The following PLPP3 variants were observed in gnomAD, a reference collection of about 807,000 sequenced individuals.
The protein encoded by PLPP3 is phospholipid phosphatase 3.
A neutral mutation model predicts 29.6 loss-of-function variants in PLPP3; 6 were observed. The ratio of observed to expected loss-of-function variants is 0.20; its 90% CI spans 0.11 to 0.40. The LOEUF (loss-of-function observed/expected upper bound fraction) is 0.40, where lower values mean the gene tolerates loss of function less well. Ranked by LOEUF, PLPP3 falls within the 10% of genes least tolerant of loss-of-function variation. PLPP3 has a pLI of 1.00. For synonymous variants in PLPP3, 152 were observed against 159.7 expected (o/e 0.95, Z 0.36); for missense variants, 308 against 407.7 (o/e 0.76, Z 2.11).
At chr1:56,536,862 T>G in intron 2 of PLPP3, 93 bp downstream of exon 2, 1 of 1,493,882 alleles carries the variant, frequency 6.7e-7, no homozygotes, top group Non-Finnish European at 9.1e-7. Flanking sequence ...GGCTTCTACT[T>G]GGTATAAGTC....
chr1:56,558,272 C>A (rs910986044), intron 1 of PLPP3, among the ~76,000 whole-genome samples: 2 of 152,328 alleles, frequency 1.3e-5, no homozygotes, highest in African/African-American at 2.4e-5. Flanking sequence ...TCTGCTCAAT[C>A]TCTCAGGTAG....
intron 1 of PLPP3, among the ~76,000 whole-genome samples, chr1:56,546,907 A>G (rs1646009801): frequency 6.6e-6 from 1 of 152,248 alleles, no homozygotes. Context: ...TATTTTTAAA[A>G]GCAATAGCTA....
intron 1 of PLPP3, among the ~76,000 whole-genome samples, chr1:56,555,047 G>GTAT (rs756945870): frequency 6.6e-6 from 1 of 152,160 alleles, no homozygotes; most frequent in Non-Finnish European, 1.5e-5. Flanking sequence ...ATGTTATTTT[G>GTAT]TATTCATGTG....
chr1:56,502,543 A>G (rs973076211), intron 5 of PLPP3, among the ~76,000 whole-genome samples: 1 of 152,198 alleles, frequency 6.6e-6, no homozygotes, highest in Non-Finnish European at 1.5e-5. Flanking sequence ...CAGTTAAAAG[A>G]GCCATTAGTG....
intron 2 of PLPP3, among the ~76,000 whole-genome samples, chr1:56,529,959 TGAAGAAGA>T (rs1645876790): frequency 6.6e-6 from 1 of 152,104 alleles, no homozygotes; most frequent in African/African-American, 2.4e-5. Context: ...ACAAGTCTCA[TGAAGAAGA>T]GAGTCTGAGG....
intron 1 of PLPP3, among the ~76,000 whole-genome samples, chr1:56,551,230 T>A (rs2100283043): frequency 6.9e-6 from 1 of 144,272 alleles, no homozygotes; most frequent in East Asian, 2.0e-4. Flanking sequence ...TCACAGCCCA[T>A]GTTAATCAAG....
intron 5 of PLPP3, among the ~76,000 whole-genome samples, chr1:56,500,313 G>A (rs1168841835): frequency 1.3e-5 from 2 of 152,178 alleles, no homozygotes; most frequent in African/African-American, 4.8e-5. Flanking sequence ...TTATGATGGA[G>A]GGAAGCAAGG....
At chr1:56,548,471 A>G (rs970131406) in intron 1 of PLPP3, among the ~76,000 whole-genome samples, 1 of 152,328 alleles carries the variant, frequency 6.6e-6, no homozygotes. Context: ...ATGGCATTAC[A>G]AAATACCCAA....
chr1:56,508,077 G>GCATT (rs1461500057), intron 5 of PLPP3, among the ~76,000 whole-genome samples: 3 of 152,158 alleles, frequency 2.0e-5, no homozygotes, highest in Admixed American at 2.0e-4. Context: ...AAAGAAACTT[G>GCATT]CATTCTTTTA....
intron 1 of PLPP3, among the ~76,000 whole-genome samples, chr1:56,555,357 C>T (rs770226432): frequency 7.0e-6 from 1 of 143,560 alleles, no homozygotes; most frequent in Non-Finnish European, 1.5e-5. Context: ...CTGGTTCTGG[C>T]CTTCCCTAGT....
At chr1:56,572,886 T>A (rs1002448202) in intron 1 of PLPP3, among the ~76,000 whole-genome samples, 7 of 152,190 alleles carry the variant, frequency 4.6e-5, no homozygotes, top group African/African-American at 1.7e-4. Flanking sequence ...ATTACCAGGT[T>A]TGCTTATTTT....
chr1:56,577,047 T>C (rs1392383017), intron 1 of PLPP3, among the ~76,000 whole-genome samples: 1 of 152,164 alleles, frequency 6.6e-6, no homozygotes, highest in Non-Finnish European at 1.5e-5. Context: ...GCTTTCTTAA[T>C]CACAAAGTAG....
chr1:56,557,077 AAAAT>A (rs1646088949), intron 1 of PLPP3, among the ~76,000 whole-genome samples: 40 of 132,044 alleles, frequency 3.0e-4, no homozygotes, highest in Middle Eastern at 3.8e-3. Context: ...AAAGAAAGAA[AAAAT>A]GAGAGAGAGA....
At chr1:56,573,112 T>A (rs2100311553) in intron 1 of PLPP3, among the ~76,000 whole-genome samples, 1 of 152,340 alleles carries the variant, frequency 6.6e-6, no homozygotes, top group African/African-American at 2.4e-5. Flanking sequence ...CTTGCACTCA[T>A]GCACAAACTT....
At chr1:56,572,468 A>T (rs1040214090) in intron 1 of PLPP3, among the ~76,000 whole-genome samples, 2 of 152,176 alleles carry the variant, frequency 1.3e-5, no homozygotes, top group African/African-American at 2.4e-5. Context: ...CCTAAGGCAT[A>T]TCTGTCTTTC....
intron 1 of PLPP3, among the ~76,000 whole-genome samples, chr1:56,541,610 G>T (rs577132028): frequency 7.2e-5 from 11 of 152,308 alleles, no homozygotes; most frequent in African/African-American, 2.4e-4. Flanking sequence ...AAGGTTCAAA[G>T]AGATTAAAGT....
rs562902934 is a variant in PLPP3 at position 56,538,416 on chromosome 1, T to C, written c.140-1304A>G. ...AGACCACCAAAAACACAGTGGCCTT[T>C]CAGCTGGAACTGCCATCTTCCAGTA... On this transcript the variant is annotated intron_variant, in intron 1 of 5. Coordinates refer to ENST00000371250, the MANE Select transcript of PLPP3 (RefSeq NM_003713.5). 9.5e-4 allele frequency: 355 copies of C among 374,452 alleles called. 2 individuals carry two copies. Among genetic ancestry groups the C allele is most frequent in the South Asian group, 1.8e-3 (76 of 42,256 alleles). The allele number at this position is 374,452 out of a possible 1,614,324, so 23.2% of individuals were successfully genotyped here.
At chr1:56,578,806 C>T in intron 1 of PLPP3, 72 bp downstream of exon 1, 1 of 1,383,620 alleles carries the variant, frequency 7.2e-7, no homozygotes, top group South Asian at 1.6e-5. Context: ...GCTGCGCGGC[C>T]CCGGACTGGG....
At chr1:56,563,257 A>G (rs1302563163) in intron 1 of PLPP3, among the ~76,000 whole-genome samples, 1 of 152,220 alleles carries the variant, frequency 6.6e-6, no homozygotes, top group African/African-American at 2.4e-5. Context: ...GAAAAGACCT[A>G]CTTTATACAC....
Sources: gnomAD v4.1 joint callset for allele counts (sites outside exome capture counted in the v4.1 genomes callset) on GRCh38, gnomAD v4.1.1 for gene constraint, MANE v1.5 for transcripts, NCBI Gene and HGNC (gene_info 2026-07-23, HGNC 2026-07-21) for gene names.